Variants in ZNF660 observed in about 807,000 individuals in gnomAD.
ZNF660 encodes zinc finger protein 660.
ZNF660 carries 24 observed loss-of-function variants against 23.2 expected under a neutral mutation model. The ratio of observed to expected loss-of-function variants is 1.04; its 90% confidence interval spans 0.75 to 1.46. The LOEUF (loss-of-function observed/expected upper bound fraction) is 1.46, where lower values mean the gene tolerates loss of function less well. Ranked by LOEUF, ZNF660 falls within the 40% of genes most tolerant of loss-of-function variation. ZNF660 has a pLI of 0.00. For missense variants in ZNF660, 373 were observed against 396.8 expected (o/e 0.94, Z 0.51); for synonymous variants, 117 against 131.4 (o/e 0.89, Z 0.75).
Position 44,598,882 on chromosome 3 carries a change from C to T in ZNF660, c.*3693C>T, listed in dbSNP as rs1452577044. 2 of 152,234 alleles carry T rather than the reference C, an allele frequency of 1.3e-5. No individual in the cohort carries two copies. The highest frequency in any genetic ancestry group is 2.9e-5 in the Non-Finnish European group (2 of 68,124). The allele number at this position is 152,234 out of a possible 1,614,324, so 9.4% of individuals were successfully genotyped here. A position where few individuals can be genotyped will look rare whatever the true frequency, so the allele number is the denominator to read the frequency against. ...GTCATGGTTGCATACACACGTAGTC[C>T]TAGGTACTCAGGAGGCTGAGGGGGG... On this transcript the variant is annotated 3_prime_UTR_variant, in exon 3 of 3. Transcript: ENST00000322734.
rs1487149507 is a variant in ZNF660 at position 44,596,582 on chromosome 3, G to C, written c.*1393G>C. 1 of 152,198 alleles carries C rather than the reference G, an allele frequency of 6.6e-6. No homozygotes were observed. The highest frequency in any genetic ancestry group is 1.5e-5 in the Non-Finnish European group (1 of 68,028). The allele number at this position is 152,198 out of a possible 1,614,324, so 9.4% of individuals were successfully genotyped here. ...TCTAGAGGTAAGCAGTGCTATGTTT[G>C]GTTTGGCAACTCAGCACTTCATCAC... On this transcript the variant is annotated 3_prime_UTR_variant, in exon 3 of 3. Coordinates refer to ENST00000322734, the MANE Select transcript of ZNF660 (RefSeq NM_173658.4).
rs1242809446 is a variant in ZNF660, at chr3:44,595,020, G to T, written c.827G>T (p.Cys276Phe). The T allele has an allele frequency of 3.1e-6, 5 of 1,613,826 alleles. No individual in the cohort carries two copies. The African/African-American group carries it at 6.7e-5, about 22-fold the overall frequency. ...CACACTGGAGAGAAACCCTATAAATGTAATGAATGTGGGAAAACCTTCAGG... is the reference window on the plus strand; with the variant it reads ...CACACTGGAGAGAAACCCTATAAATTTAATGAATGTGGGAAAACCTTCAGG... ...RVHTGEKPYK[C>F]NECGKTFRQT... The change falls in exon 3 of 3, where the codon TGT becomes TTT. Residue 276 changes from cysteine to phenylalanine, a missense_variant. Coordinates refer to ENST00000322734, the MANE Select transcript of ZNF660 (RefSeq NM_173658.4).
chr3:44,595,993 A>G lies in ZNF660; in HGVS notation c.*804A>G, dbSNP rs935058935. 6.0e-6 allele frequency: 1 copy of G among 166,996 alleles called. No individual in the cohort carries two copies. The highest frequency in any genetic ancestry group is 1.5e-5 in the Non-Finnish European group (1 of 68,094). 10.3% of individuals were successfully genotyped at this position (166,996 alleles called of 1,614,324 possible). A position where few individuals can be genotyped will look rare whatever the true frequency, so the allele number is the denominator to read the frequency against. On this transcript the variant is annotated 3_prime_UTR_variant, in exon 3 of 3. Coordinates refer to ENST00000322734, the MANE Select transcript of ZNF660 (RefSeq NM_173658.4). Reference sequence around the variant, plus strand: ...AATTCACTGAACCCTCCTTTCCCACAGTTCTGGAAGGATCTGCAGATGATG... The same window carrying G: ...AATTCACTGAACCCTCCTTTCCCACGGTTCTGGAAGGATCTGCAGATGATG...
In ZNF660 at chr3:44,594,673, G is replaced by C. The variant is rs760760643; in HGVS notation, c.480G>C (p.Lys160Asn). Residue 160 changes from lysine (K) to asparagine (N), a missense_variant, in exon 3 of 3, where the codon AAG becomes AAC. Lys to Asn is a moderately conservative substitution (Grantham distance 94, BLOSUM62 0). Coordinates refer to ENST00000322734, the MANE Select transcript of ZNF660 (RefSeq NM_173658.4). ...ATCACAGAGTTCACACCGGAGAGAA[G>C]CCCTATTCTTGTATTGAGTGTGGGA... is the stretch of plus-strand genomic sequence containing the variant. ...ISHHRVHTGE[K>N]PYSCIECGKA... 10 of 1,612,948 alleles carry C rather than the reference G, an allele frequency of 6.2e-6. No homozygotes were observed. In the Admixed American group the frequency reaches 1.0e-4, roughly 16 times the overall value.
intron 2 of ZNF660, among the ~76,000 whole-genome samples, chr3:44,592,599 C>T (rs1215112797): frequency 6.6e-6 from 1 of 152,170 alleles, no homozygotes; most frequent in Admixed American, 6.5e-5. Context: ...TCCTTAGATA[C>T]TTTACTATTA....
At position 44,594,843 on chromosome 3, in the gene ZNF660, C is replaced by T. The variant is rs1700558596; in HGVS notation, c.650C>T (p.Pro217Leu). ...DHQRIHTGEK[P>L]YECDECGKTF... ...CAGAGAATTCACACTGGAGAGAAGCCTTATGAATGTGATGAGTGTGGAAAA... is the reference window on the plus strand; with the variant it reads ...CAGAGAATTCACACTGGAGAGAAGCTTTATGAATGTGATGAGTGTGGAAAA... The change falls in exon 3 of 3, where the codon CCT (proline) becomes CTT (leucine). Residue 217 changes from proline (P) to leucine (L), a missense_variant. Coordinates refer to ENST00000322734, the MANE Select transcript of ZNF660 (RefSeq NM_173658.4). 1 of 1,614,004 alleles carries T rather than the reference C, an allele frequency of 6.2e-7. No homozygotes were observed. Among genetic ancestry groups the T allele is most frequent in the Non-Finnish European group, 8.5e-7 (1 of 1,180,034 alleles).
intron 2 of ZNF660, chr3:44,586,517 A>G (rs1328735547): frequency 6.6e-6 from 1 of 152,230 alleles, no homozygotes; most frequent in Non-Finnish European, 1.5e-5. Flanking sequence ...ATAAGACTGG[A>G]TAGACTGGGA....
In ZNF660 at chr3:44,594,417, A is replaced by G; in HGVS notation, c.224A>G (p.Glu75Gly). ...LTVHERIHTG[E>G]KPYKCKECGK... is the part of the protein sequence containing the mutation. ...GTACATGAGCGAATCCACACGGGAG[A>G]GAAACCCTATAAGTGTAAGGAGTGT... Residue 75 changes from glutamate to glycine, a missense_variant, in exon 3 of 3, where the codon GAG becomes GGG. Transcript: ENST00000322734. The G allele has an allele frequency of 6.2e-7, 1 of 1,614,110 alleles. No homozygotes were observed. The highest frequency in any genetic ancestry group is 8.5e-7 in the Non-Finnish European group (1 of 1,180,006).
intron 2 of ZNF660, among the ~76,000 whole-genome samples, chr3:44,589,648 A>G (rs568978764): frequency 7.9e-5 from 12 of 152,344 alleles, no homozygotes; most frequent in African/African-American, 2.9e-4. Context: ...AAAAAAGAAT[A>G]TAGAATGGAG....
chr3:44,592,922 G>A (rs937080689), intron 2 of ZNF660, among the ~76,000 whole-genome samples: 33 of 152,146 alleles, frequency 2.2e-4, no homozygotes, highest in South Asian at 8.3e-4. Flanking sequence ...GCGTGGTGGC[G>A]GGCGCCTGTA....
rs563013346 is a variant in ZNF660 at position 44,593,429 on chromosome 3, C to T, written c.-180-585C>T. Among the ~76,000 whole-genome samples the T allele has an allele frequency of 2.0e-5, 3 of 152,154 alleles. No homozygotes were observed. The East Asian group carries it at 5.8e-4, about 29-fold the overall frequency. ...GCCTGCCATTAGGAGTTAGATGGCT[C>T]TGAGCTGGGTGCGGTGGCTCATGCC... On this transcript the variant is annotated intron_variant, in intron 2 of 2. Coordinates refer to ENST00000322734, the MANE Select transcript of ZNF660 (RefSeq NM_173658.4).
chr3:44,588,098 G>C (rs1700290498), intron 2 of ZNF660, among the ~76,000 whole-genome samples: 1 of 152,138 alleles, frequency 6.6e-6, no homozygotes, highest in Non-Finnish European at 1.5e-5. Flanking sequence ...CTGTGACTGG[G>C]TTAATTGTAA....
chr3:44,594,822 G>C lies in ZNF660; in HGVS notation c.629G>C (p.Arg210Thr), dbSNP rs752529130. The C allele has an allele frequency of 3.5e-5, 56 of 1,614,068 alleles. 1 individual carries two copies. The South Asian group carries it at 6.0e-4, about 17-fold the overall frequency. The change falls in exon 3 of 3, where the codon AGA (arginine) becomes ACA (threonine). Residue 210 changes from arginine to threonine, a missense_variant. Coordinates refer to ENST00000322734, the MANE Select transcript of ZNF660 (RefSeq NM_173658.4). ...AATACAAAGATTATGGACCATCAGA[G>C]AATTCACACTGGAGAGAAGCCTTAT... The part of the protein sequence containing the change: ...GSNTKIMDHQ[R>T]IHTGEKPYEC...
chr3:44,591,571 A>G (rs1230848760), intron 2 of ZNF660, among the ~76,000 whole-genome samples: 2 of 152,264 alleles, frequency 1.3e-5, no homozygotes, highest in Non-Finnish European at 2.9e-5. Context: ...AGATTATGAT[A>G]GCATTATTGA....
rs1027255972 is a variant in ZNF660 at position 44,596,947 on chromosome 3, A to C, written c.*1758A>C. The C allele has an allele frequency of 1.3e-5, 2 of 152,222 alleles. No homozygotes were observed. The highest frequency in any genetic ancestry group is 4.8e-5 in the African/African-American group (2 of 41,448). 9.4% of individuals were successfully genotyped at this position (152,222 alleles called of 1,614,324 possible). A position where few individuals can be genotyped will look rare whatever the true frequency, so the allele number is the denominator to read the frequency against. Reference sequence around the variant, plus strand: ...GCTTAGCTCAAAGTCACTCTGAAACACTTAGAATCTCCCTATTTTTAACTC... The same window carrying C: ...GCTTAGCTCAAAGTCACTCTGAAACCCTTAGAATCTCCCTATTTTTAACTC... On this transcript the variant is annotated 3_prime_UTR_variant, in exon 3 of 3. Transcript: ENST00000322734.
intron 2 of ZNF660, among the ~76,000 whole-genome samples, chr3:44,592,993 C>G (rs1373627013): frequency 6.6e-6 from 1 of 151,618 alleles, no homozygotes; most frequent in Non-Finnish European, 1.5e-5. Context: ...GCGGAGCTTG[C>G]AGTGAGCCGA....
At chr3:44,593,775 T>C (rs1700515447) in intron 2 of ZNF660, among the ~76,000 whole-genome samples, 1 of 152,084 alleles carries the variant, frequency 6.6e-6, no homozygotes, top group African/African-American at 2.4e-5. Context: ...GGGTAGATTT[T>C]ATACGATTCA....
chr3:44,597,622 C>G lies in ZNF660; in HGVS notation c.*2433C>G, dbSNP rs537878086. ...ACAAGCCTGGTCTATCATTCCTGAG[C>G]AGAATTGTTGATGCTTTATATATTG... is the stretch of plus-strand genomic sequence containing the variant. On this transcript the variant is annotated 3_prime_UTR_variant, in exon 3 of 3. Transcript: ENST00000322734. This position sits in a 1 kb window ranked among gnomAD's most constrained non-coding sequence, Gnocchi z 4.1. 6.6e-6 allele frequency: 1 copy of G among 152,316 alleles called. No homozygotes were observed. The highest frequency in any genetic ancestry group is 1.9e-4 in the East Asian group (1 of 5,176). 9.4% of individuals were successfully genotyped at this position (152,316 alleles called of 1,614,324 possible).
intron 2 of ZNF660, among the ~76,000 whole-genome samples, chr3:44,592,590 C>A (rs1700461943): frequency 6.6e-6 from 1 of 152,168 alleles, no homozygotes; most frequent in South Asian, 2.1e-4. Flanking sequence ...CTTTTGCCAT[C>A]CTTAGATACT....
Sources: allele counts gnomAD v4.1 joint callset (sites outside exome capture counted in the v4.1 genomes callset), GRCh38; gene constraint gnomAD v4.1.1; non-coding constraint Gnocchi (gnomAD v3.1); transcripts MANE v1.5; gene names NCBI Gene and HGNC (gene_info 2026-07-23, HGNC 2026-07-21).